HIBCH: variants seen among roughly 807,000 people sequenced by gnomAD.
HIBCH encodes the protein 3-hydroxyisobutyryl-CoA hydrolase, mitochondrial.
In HIBCH, 50 loss-of-function variants were observed where a neutral mutation model predicts 58.2. The observed-to-expected ratio is 0.86, with a 90% confidence interval of 0.68 to 1.09. The LOEUF is 1.09. Among genes scored for constraint, HIBCH ranks in the 50% least tolerant of loss-of-function variants. The probability of loss-of-function intolerance (pLI) is 0.00; values close to 1 mark genes in which losing one functional copy is unlikely to be tolerated. For missense variants in HIBCH, 450 were observed against 449.7 expected, an observed-to-expected ratio of 1.00 and a Z score of -0.01; for synonymous variants, 151 against 146.9, an observed-to-expected ratio of 1.03 and a Z score of -0.20.
downstream of HIBCH, chr2:190,200,059 C>CACA: frequency 6.2e-7 from 1 of 1,614,076 alleles, no homozygotes; most frequent in South Asian, 1.1e-5. Flanking sequence ...CCGCCTGTCT[C>CACA]AGGATATCTT....
intron 7 of HIBCH, among the ~76,000 whole-genome samples, chr2:190,255,725 G>A (rs1337912088): frequency 6.6e-6 from 1 of 152,112 alleles, no homozygotes; most frequent in Non-Finnish European, 1.5e-5. Context: ...GGGAAACCAA[G>A]ACAGCTAGAA....
intron 6 of HIBCH, among the ~76,000 whole-genome samples, chr2:190,286,730 C>T (rs960401046): frequency 2.0e-5 from 3 of 152,126 alleles, no homozygotes; most frequent in African/African-American, 7.2e-5. Flanking sequence ...TGTAATAGCA[C>T]AGAGGCAGAA....
At chr2:190,200,305 T>C, downstream of HIBCH, 1 of 657,620 alleles carries the variant, frequency 1.5e-6, no homozygotes, top group Non-Finnish European at 2.7e-6. Flanking sequence ...TGAAATGCAT[T>C]TTAAGTACTT....
At chr2:190,316,799 A>C (rs1457672799) in intron 1 of HIBCH, among the ~76,000 whole-genome samples, 1 of 152,216 alleles carries the variant, frequency 6.6e-6, no homozygotes, top group East Asian at 1.9e-4. Context: ...GAAACAACTA[A>C]CTAGAAGTAA....
At chr2:190,299,411 A>T (rs530414289) in intron 2 of HIBCH, among the ~76,000 whole-genome samples, 1 of 152,318 alleles carries the variant, frequency 6.6e-6, no homozygotes, top group African/African-American at 2.4e-5. Flanking sequence ...ATTTCATTTG[A>T]ATTTCTCAGT....
At chr2:190,194,384 T>G (rs912911242) in intron 1 of HIBCH, among the ~76,000 whole-genome samples, 7 of 151,854 alleles carry the variant, frequency 4.6e-5, no homozygotes, top group African/African-American at 1.7e-4. Flanking sequence ...ATAGTGGGTG[T>G]ATTTTTTAAA....
chr2:190,237,394 C>G (rs1329653759), intron 11 of HIBCH, among the ~76,000 whole-genome samples: 2 of 152,152 alleles, frequency 1.3e-5, no homozygotes, highest in African/African-American at 2.4e-5. Flanking sequence ...GCAGCTCATT[C>G]CTTCTTAGAG....
chr2:190,199,971 G>T, downstream of HIBCH: 1 of 1,614,110 alleles, frequency 6.2e-7, no homozygotes, highest in Non-Finnish European at 8.5e-7. Context: ...GTCTACCTAG[G>T]ATGGCTTCTC....
intron 11 of HIBCH, among the ~76,000 whole-genome samples, chr2:190,225,785 C>T (rs892652912): frequency 2.0e-5 from 3 of 152,156 alleles, no homozygotes. Flanking sequence ...CCAGCATCAT[C>T]CTGATACCAA....
In HIBCH at chr2:190,281,307, C is replaced by G. The variant is rs1190695151; in HGVS notation, c.438+6279G>C. ...CAGAATTAGCACCACATGGATGCCACCAAGGCTTATGGCTTATATCTTCTG... is the reference window on the plus strand; with the variant it reads ...CAGAATTAGCACCACATGGATGCCAGCAAGGCTTATGGCTTATATCTTCTG... On this transcript the variant is annotated intron_variant, in intron 6 of 13. Coordinates refer to ENST00000359678, the MANE Select transcript of HIBCH (RefSeq NM_014362.4). The surrounding 1 kb of genome is among the most constrained non-coding windows in gnomAD (Gnocchi z 5.4). Among the ~76,000 whole-genome samples, 1 of 152,176 alleles carries G rather than the reference C, an allele frequency of 6.6e-6. No homozygotes were observed. The highest frequency in any genetic ancestry group is 2.4e-5 in the African/African-American group (1 of 41,446).
chr2:190,251,600 A>T (rs1409704868), intron 8 of HIBCH: 1 of 431,040 alleles, frequency 2.3e-6, no homozygotes, highest in African/African-American at 2.1e-5. Flanking sequence ...CTAAGTTCCA[A>T]TTAAGACTTA....
chr2:190,224,269 G>C (rs1353642613), intron 11 of HIBCH, among the ~76,000 whole-genome samples: 1 of 152,066 alleles, frequency 6.6e-6, no homozygotes, highest in Non-Finnish European at 1.5e-5. Flanking sequence ...GCTTGAACTG[G>C]GTGGAGCCCA....
chr2:190,270,208 G>A (rs1687352563), intron 6 of HIBCH, among the ~76,000 whole-genome samples: 1 of 149,558 alleles, frequency 6.7e-6, no homozygotes, highest in Non-Finnish European at 1.5e-5. Flanking sequence ...GTATCCCAGA[G>A]TTTAAAGTAA....
chr2:190,314,247 C>A (rs1347846748), intron 1 of HIBCH, among the ~76,000 whole-genome samples: 2 of 138,932 alleles, frequency 1.4e-5, no homozygotes, highest in Non-Finnish European at 3.1e-5. Flanking sequence ...TTATAGGTCA[C>A]AAAAATCTGT....
intron 5 of HIBCH, 126 bp from the exon 6 acceptor site, chr2:190,287,764 A>T: frequency 5.9e-6 from 4 of 681,958 alleles, no homozygotes; most frequent in Non-Finnish European, 1.1e-5. Context: ...AACACCAAAG[A>T]CGACTAAATG....
In HIBCH at chr2:190,215,374, C is replaced by G. The variant is rs141033773; in HGVS notation, c.892-2299G>C. 1 of 152,040 alleles carries G rather than the reference C, an allele frequency of 6.6e-6. No individual in the cohort carries two copies. The highest frequency in any genetic ancestry group is 2.4e-5 in the African/African-American group (1 of 41,358). The allele number at this position is 152,040 out of a possible 1,614,324, so 9.4% of individuals were successfully genotyped here. ...GGCCCAAATGCAGGACCTAAGGGAACTAATAATTAAAGGGATTAAAAAGTC... is the reference window on the plus strand; with the variant it reads ...GGCCCAAATGCAGGACCTAAGGGAAGTAATAATTAAAGGGATTAAAAAGTC... On this transcript the variant is annotated intron_variant, in intron 11 of 13. Transcript: ENST00000359678. The surrounding 1 kb of genome is among the most constrained non-coding windows in gnomAD (Gnocchi z 4.4).
intron 7 of HIBCH, 150 bp from the exon 8 acceptor site, chr2:190,252,457 C>T: frequency 1.4e-6 from 1 of 711,552 alleles, no homozygotes; most frequent in Non-Finnish European, 2.5e-6. Context: ...ACACTGCAAT[C>T]AATATCACAA....
At position 190,263,872 on chromosome 2, in the gene HIBCH, T is replaced by A. The variant is rs571268112; in HGVS notation, c.439-2638A>T. On this transcript the variant is annotated intron_variant, in intron 6 of 13. Coordinates refer to ENST00000359678, the MANE Select transcript of HIBCH (RefSeq NM_014362.4). ...AAAATATATCCTGGACTGGGCCACT[T>A]TTCACCATCTACACTATTACGACCC... 6.6e-5 allele frequency among the ~76,000 whole-genome samples: 10 copies of A among 150,720 alleles called. No homozygotes were observed. In the South Asian group the frequency reaches 2.1e-3, roughly 32 times the overall value.
chr2:190,201,256 G>A (rs1690232356), downstream of HIBCH: 1 of 166,796 alleles, frequency 6.0e-6, no homozygotes, highest in South Asian at 2.1e-4. Context: ...CATTTTTACT[G>A]TCACAGCACA....
Sources: allele counts gnomAD v4.1 joint callset (sites outside exome capture counted in the v4.1 genomes callset), GRCh38; gene constraint gnomAD v4.1.1; non-coding constraint Gnocchi (gnomAD v3.1); transcripts MANE v1.5; gene names NCBI Gene and HGNC (gene_info 2026-07-23, HGNC 2026-07-21).